ANO6: variants seen among roughly 807,000 people sequenced by gnomAD.
The protein encoded by ANO6 is anoctamin-6.
ANO6 carries 106 observed loss-of-function variants against 117.5 expected under a neutral mutation model. That is an observed-to-expected ratio of 0.90 (90% CI 0.77 to 1.06). The LOEUF is 1.06. Among genes scored for constraint, ANO6 ranks in the 50% least tolerant of loss-of-function variants. The probability of loss-of-function intolerance (pLI) is 0.00; values close to 1 mark genes in which losing one functional copy is unlikely to be tolerated. For missense variants in ANO6, 955 were observed against 1,121.1 expected (o/e 0.85, Z 2.12); for synonymous variants, 367 against 385.1 (o/e 0.95, Z 0.55).
At chr12:45,282,849 CTCAT>C (rs777314046) in intron 1 of ANO6, among the ~76,000 whole-genome samples, 34 of 152,192 alleles carry the variant, frequency 2.2e-4, no homozygotes, top group Non-Finnish European at 4.0e-4. Context: ...ATTGCATTCT[CTCAT>C]ATATAGCCAC....
intron 10 of ANO6, among the ~76,000 whole-genome samples, chr12:45,381,146 T>C (rs1268090821): frequency 6.6e-6 from 1 of 152,202 alleles, no homozygotes; most frequent in East Asian, 1.9e-4. Context: ...ATGCAGGATA[T>C]AACACCATAA....
intron 3 of ANO6, among the ~76,000 whole-genome samples, chr12:45,333,738 A>C (rs1940742754): frequency 6.6e-6 from 1 of 152,048 alleles, no homozygotes; most frequent in Non-Finnish European, 1.5e-5. Flanking sequence ...CGAAATTCAA[A>C]GCTTAACTTT....
chr12:45,373,397 A>G (rs927272686), intron 9 of ANO6, among the ~76,000 whole-genome samples: 3 of 152,032 alleles, frequency 2.0e-5, no homozygotes, highest in Non-Finnish European at 4.4e-5. Context: ...CCCCAAATCA[A>G]CAGGATATAC....
At chr12:45,361,865 G>A (rs955829690) in intron 8 of ANO6, among the ~76,000 whole-genome samples, 74 of 152,006 alleles carry the variant, frequency 4.9e-4, no homozygotes, top group Non-Finnish European at 1.9e-4. Context: ...ATAGTATGTA[G>A]TACTTATTTT....
intron 1 of ANO6, among the ~76,000 whole-genome samples, chr12:45,294,838 T>C (rs1939234173): frequency 6.6e-6 from 1 of 152,202 alleles, no homozygotes; most frequent in African/African-American, 2.4e-5. Flanking sequence ...AGGACAGGGA[T>C]TGTCAAGATA....
rs761023971 is a variant in ANO6 at position 45,367,803 on chromosome 12, G to A, written c.1104+10G>A. On this transcript the variant is annotated intron_variant, in intron 9 of 19. Coordinates refer to ENST00000320560, the MANE Select transcript of ANO6 (RefSeq NM_001025356.3). ...TTGCGAGTCCTCAAAGGTAATTTTT[G>A]CTATTGCCAATATTTACACCTAATG... 1.2e-6 allele frequency: 2 copies of A among 1,600,480 alleles called. No homozygotes were observed. The highest frequency in any genetic ancestry group is 3.3e-5 in the Admixed American group (2 of 59,974).
chr12:45,345,519 T>C lies in ANO6; in HGVS notation c.280-1503T>C, dbSNP rs1941106299. 2.6e-5 allele frequency among the ~76,000 whole-genome samples: 4 copies of C among 152,214 alleles called. No homozygotes were observed. The South Asian group carries it at 8.3e-4, about 32-fold the overall frequency. ...TTCCTCTCTGTCTTGTTAACTGCTG[T>C]GCTAAATATTCCACCCAGCGTTTTC... On this transcript the variant is annotated intron_variant, in intron 3 of 19. Transcript: ENST00000320560.
rs113988026 is a variant in ANO6 at position 45,241,729 on chromosome 12, G to A, written c.70+25338G>A. ...CTTTGATGTTGGTGACCTACAGATG[G>A]GATTTTGGTGTGGATGTCCTTTTTG... is the stretch of plus-strand genomic sequence containing the variant. On this transcript the variant is annotated intron_variant, in intron 1 of 19. Transcript: ENST00000320560. 4.5e-4 allele frequency among the ~76,000 whole-genome samples: 68 copies of A among 152,252 alleles called. 1 individual carries two copies. The highest frequency in any genetic ancestry group is 1.6e-3 in the African/African-American group (68 of 41,560).
intron 1 of ANO6, among the ~76,000 whole-genome samples, chr12:45,274,183 C>T (rs897678389): frequency 1.5e-4 from 23 of 152,148 alleles, no homozygotes; most frequent in Admixed American, 3.9e-4. Context: ...TGATCTCATT[C>T]ATTTGCAAGG....
At chr12:45,309,679 A>G (rs1027702269) in intron 2 of ANO6, among the ~76,000 whole-genome samples, 1 of 94,002 alleles carries the variant, frequency 1.1e-5, no homozygotes, top group Non-Finnish European at 2.4e-5. Flanking sequence ...TCAATCCAAG[A>G]CCTTTCTTGG....
chr12:45,430,216 A>C lies in ANO6; in HGVS notation c.*905A>C. On this transcript the variant is annotated 3_prime_UTR_variant, in exon 20 of 20. Coordinates refer to ENST00000320560, the MANE Select transcript of ANO6 (RefSeq NM_001025356.3). ...TTTTTATCAACATAATTGTCTGGAAAAGATAAGCCCCTCAATTTTCTACCA... is the reference window on the plus strand; with the variant it reads ...TTTTTATCAACATAATTGTCTGGAACAGATAAGCCCCTCAATTTTCTACCA... The C allele has an allele frequency of 2.0e-6, 2 of 985,462 alleles. No homozygotes were observed. Among genetic ancestry groups the C allele is most frequent in the South Asian group, 9.4e-5 (2 of 21,290 alleles). 61.0% of individuals were successfully genotyped at this position (985,462 alleles called of 1,614,324 possible).
At chr12:45,400,521 T>C (rs938421163) in intron 12 of ANO6, among the ~76,000 whole-genome samples, 1 of 152,216 alleles carries the variant, frequency 6.6e-6, no homozygotes, top group African/African-American at 2.4e-5. Context: ...TTTTTAACAC[T>C]TAACTTTGGT....
chr12:45,299,208 T>C (rs1211956162), intron 1 of ANO6, among the ~76,000 whole-genome samples: 1 of 152,232 alleles, frequency 6.6e-6, no homozygotes, highest in Non-Finnish European at 1.5e-5. Context: ...GTTTTAAAGA[T>C]GGTCTGTAGG....
At chr12:45,307,838 T>G (rs1004902992) in intron 2 of ANO6, among the ~76,000 whole-genome samples, 2 of 151,824 alleles carry the variant, frequency 1.3e-5, no homozygotes, top group Non-Finnish European at 2.9e-5. Context: ...GTGAAGAAAG[T>G]ATAAAGTAGG....
chr12:45,418,002 A>G (rs959240058), intron 17 of ANO6, among the ~76,000 whole-genome samples: 4 of 152,226 alleles, frequency 2.6e-5, no homozygotes, highest in African/African-American at 9.6e-5. Flanking sequence ...ACATATCATA[A>G]GAATAGTACA....
chr12:45,376,020 C>G (rs1444295029), intron 9 of ANO6, among the ~76,000 whole-genome samples: 1 of 150,568 alleles, frequency 6.6e-6, no homozygotes, highest in Non-Finnish European at 1.5e-5. Context: ...AAAAAAACAA[C>G]CCCATCAAAA....
At chr12:45,417,899 C>T (rs1173453194) in intron 17 of ANO6, among the ~76,000 whole-genome samples, 1 of 152,190 alleles carries the variant, frequency 6.6e-6, no homozygotes, top group Non-Finnish European at 1.5e-5. Flanking sequence ...ACTCCACTTC[C>T]CAGCACTGTA....
rs117845116 is a variant in ANO6, at chr12:45,287,376, A to G, written c.71-14638A>G. Among the ~76,000 whole-genome samples, 155 of 152,240 alleles carry G rather than the reference A, an allele frequency of 1.0e-3. 3 individuals carry two copies. In the East Asian group the frequency reaches 0.025, roughly 25 times the overall value. On this transcript the variant is annotated intron_variant, in intron 1 of 19. Coordinates refer to ENST00000320560, the MANE Select transcript of ANO6 (RefSeq NM_001025356.3). ...CTTATGCAAAATACCTAACTTCTCCATGCCTCTTCATCAGTGATATGAAGG... is the reference window on the plus strand; with the variant it reads ...CTTATGCAAAATACCTAACTTCTCCGTGCCTCTTCATCAGTGATATGAAGG...
intron 10 of ANO6, among the ~76,000 whole-genome samples, chr12:45,382,949 C>T (rs1269318756): frequency 2.6e-5 from 4 of 152,092 alleles, no homozygotes; most frequent in African/African-American, 9.7e-5. Flanking sequence ...TAAAATAAGA[C>T]AACAATGAAG....
Sources: allele counts gnomAD v4.1 joint callset (sites outside exome capture counted in the v4.1 genomes callset), GRCh38; gene constraint gnomAD v4.1.1; transcripts MANE v1.5; gene names NCBI Gene and HGNC (gene_info 2026-07-23, HGNC 2026-07-21).